The following RABGAP1L variants were observed in gnomAD, a reference collection of about 807,000 sequenced individuals.
RABGAP1L encodes rab GTPase-activating protein 1-like.
Under a neutral mutation model 137.7 loss-of-function variants are expected in RABGAP1L, and 63 were observed. That is an observed-to-expected ratio of 0.46 (90% CI 0.37 to 0.56). The LOEUF (loss-of-function observed/expected upper bound fraction) is 0.56, where lower values mean the gene tolerates loss of function less well. Among genes scored for constraint, RABGAP1L ranks in the 20% least tolerant of loss-of-function variants. RABGAP1L has a pLI of 0.00. For synonymous variants in RABGAP1L, 431 were observed against 433.7 expected (o/e 0.99, Z 0.08); for missense variants, 1,095 against 1,244.0 (o/e 0.88, Z 1.80).
At chr1:174,708,123 G>GCTTCT (rs781559009) in intron 17 of RABGAP1L, among the ~76,000 whole-genome samples, 1 of 152,042 alleles carries the variant, frequency 6.6e-6, no homozygotes, top group Non-Finnish European at 1.5e-5. Context: ...TGTATCTTCT[G>GCTTCT]CTTCTCTTCT....
At chr1:174,241,416 A>T in intron 4 of RABGAP1L, 67 bp from the exon 5 acceptor site, 1 of 1,110,866 alleles carries the variant, frequency 9.0e-7, no homozygotes, top group Non-Finnish European at 1.2e-6. Context: ...AAAAAAACCT[A>T]ACTGGAAATA....
At chr1:174,558,643 A>T (rs1460343268) in intron 13 of RABGAP1L, among the ~76,000 whole-genome samples, 1 of 152,226 alleles carries the variant, frequency 6.6e-6, no homozygotes, top group African/African-American at 2.4e-5. Context: ...TTTTTTAACC[A>T]TACTGTGTCT....
At chr1:174,195,688 CCTTCTTTCCTTCTTTCCTTCTTTCT>C (rs1558021411) in intron 1 of RABGAP1L, among the ~76,000 whole-genome samples, 21 of 113,968 alleles carry the variant, frequency 1.8e-4, no homozygotes, top group African/African-American at 5.4e-4. Context: ...TTCCTTCTTT[CCTTCTTTCCTTCTTTCCTTCTTTCT>C]TTTCTTTCTT....
chr1:174,288,376 C>T (rs1260852456), intron 10 of RABGAP1L, among the ~76,000 whole-genome samples: 1 of 152,072 alleles, frequency 6.6e-6, no homozygotes, highest in Non-Finnish European at 1.5e-5. Flanking sequence ...TTTGGCATTT[C>T]TTATAAGGCA....
chr1:174,398,491 G>A (rs192838470), intron 13 of RABGAP1L, among the ~76,000 whole-genome samples: 3 of 152,106 alleles, frequency 2.0e-5, no homozygotes, highest in Admixed American at 2.0e-4. Context: ...GTGGTTAGAG[G>A]GGCCCACCAC....
At chr1:174,165,313 C>T (rs760468052) in intron 1 of RABGAP1L, among the ~76,000 whole-genome samples, 14 of 152,006 alleles carry the variant, frequency 9.2e-5, no homozygotes, top group Non-Finnish European at 1.5e-4. Context: ...CCACACCAGG[C>T]TAATTTTTGT....
chr1:174,241,501 C>T lies in RABGAP1L; in HGVS notation c.561C>T (p.Ser187=), dbSNP rs771022165. 2 of 1,599,424 alleles carry T rather than the reference C, an allele frequency of 1.3e-6. No individual in the cohort carries two copies. The highest frequency in any genetic ancestry group is 3.5e-5 in the Admixed American group (2 of 57,630). The change falls in exon 5 of 26, where the codon AGC becomes AGT. Residue 187 remains serine (S), a synonymous_variant. Transcript: ENST00000681986. ...TCTACAGAATTATAGACCAATCCAG[C>T]AATGTGGAGATAGCATCTTTTCCAA... ...EGSVRIIDQS[S]NVEIASFPIY... is the part of the protein sequence containing the mutation.
chr1:174,310,504 G>A (rs1171016030), intron 11 of RABGAP1L, among the ~76,000 whole-genome samples: 1 of 152,082 alleles, frequency 6.6e-6, no homozygotes, highest in African/African-American at 2.4e-5. Context: ...TTGATATTCT[G>A]TCTGGATGAT....
In RABGAP1L at chr1:174,828,117, G is replaced by A. The variant is rs915244697; in HGVS notation, c.2340+16157G>A. On this transcript the variant is annotated intron_variant, in intron 19 of 25. Transcript: ENST00000681986. ...TGGCCATTATTTAAGAAGCCAGATGGCAGACATTGCTTCTGTGAAGGAAAC... is the reference window on the plus strand; with the variant it reads ...TGGCCATTATTTAAGAAGCCAGATGACAGACATTGCTTCTGTGAAGGAAAC... Among the ~76,000 whole-genome samples the A allele has an allele frequency of 3.4e-5, 5 of 148,142 alleles. 1 individual carries two copies. Among genetic ancestry groups the A allele is most frequent in the Non-Finnish European group, 4.5e-5 (3 of 66,604 alleles).
chr1:174,241,841 A>AGG (rs1283187998), intron 5 of RABGAP1L, among the ~76,000 whole-genome samples, 184 bp downstream of exon 5: 7 of 152,222 alleles, frequency 4.6e-5, no homozygotes, highest in African/African-American at 1.7e-4. Flanking sequence ...CTGCATAGGT[A>AGG]GGGCACTCTC....
rs144824595 is a variant in RABGAP1L at position 174,986,520 on chromosome 1, A to C, written c.2806-2121A>C. On this transcript the variant is annotated intron_variant, in intron 24 of 25. Coordinates refer to ENST00000681986, the MANE Select transcript of RABGAP1L (RefSeq NM_001366446.1). ...GAAGGAGAAATGGATATTGGGTGAG[A>C]ATCAGCAGTATCCACCACATTTTAG... 2.0e-5 allele frequency among the ~76,000 whole-genome samples: 3 copies of C among 152,322 alleles called. No individual in the cohort carries two copies. In the East Asian group the frequency reaches 5.8e-4, roughly 29 times the overall value.
intron 1 of RABGAP1L, among the ~76,000 whole-genome samples, chr1:174,215,711 A>G (rs1424637073): frequency 6.6e-6 from 1 of 152,178 alleles, no homozygotes; most frequent in Non-Finnish European, 1.5e-5. Flanking sequence ...TAACCCTGGT[A>G]CACTGTTGGT....
At chr1:174,631,117 A>T (rs1468327339) in intron 13 of RABGAP1L, among the ~76,000 whole-genome samples, 6 of 110,140 alleles carry the variant, frequency 5.4e-5, no homozygotes, top group East Asian at 2.5e-4. Flanking sequence ...GGTTTCAAAG[A>T]ACATCTTTAT....
intron 17 of RABGAP1L, among the ~76,000 whole-genome samples, chr1:174,751,472 A>G (rs904204507): frequency 2.6e-5 from 4 of 152,224 alleles, no homozygotes; most frequent in Non-Finnish European, 5.9e-5. Context: ...ACTTATGCCA[A>G]CTCATACTTG....
chr1:174,944,674 A>G (rs1161057400), intron 19 of RABGAP1L, among the ~76,000 whole-genome samples: 3 of 151,580 alleles, frequency 2.0e-5, no homozygotes, highest in African/African-American at 7.3e-5. Context: ...AGTCAGTGCA[A>G]TCTTCATGCA....
chr1:174,613,161 T>A (rs1671436215), intron 13 of RABGAP1L, among the ~76,000 whole-genome samples: 1 of 150,700 alleles, frequency 6.6e-6, no homozygotes, highest in Non-Finnish European at 1.5e-5. Context: ...GGTGTCAATT[T>A]TGGATCTTTC....
rs1686768337 is a variant in RABGAP1L at position 174,779,279 on chromosome 1, T to C, written c.2211+26925T>C. Reference sequence around the variant, plus strand: ...GTTGTGGCTTAAACCCCACCTTCTTTAAAGGATGATTCTAAACTCTTTCTG... The same window carrying C: ...GTTGTGGCTTAAACCCCACCTTCTTCAAAGGATGATTCTAAACTCTTTCTG... On this transcript the variant is annotated intron_variant, in intron 18 of 25. Transcript: ENST00000681986. Among the ~76,000 whole-genome samples, 3 of 152,336 alleles carry C rather than the reference T, an allele frequency of 2.0e-5. No homozygotes were observed. In the South Asian group the frequency reaches 6.2e-4, roughly 32 times the overall value.
chr1:174,242,389 A>G (rs1671900856), intron 5 of RABGAP1L, among the ~76,000 whole-genome samples: 1 of 152,232 alleles, frequency 6.6e-6, no homozygotes, highest in African/African-American at 2.4e-5. Context: ...ACTTAAAACC[A>G]TTTCAAAGGC....
intron 7 of RABGAP1L, among the ~76,000 whole-genome samples, chr1:174,253,319 A>G (rs951601892): frequency 6.6e-5 from 10 of 152,154 alleles, no homozygotes; most frequent in Admixed American, 6.5e-4. Flanking sequence ...TGGTGGGGGT[A>G]TGGGGCAAAG....
Sources: gnomAD v4.1 joint callset for allele counts (sites outside exome capture counted in the v4.1 genomes callset) on GRCh38, gnomAD v4.1.1 for gene constraint, MANE v1.5 for transcripts, NCBI Gene and HGNC (gene_info 2026-07-23, HGNC 2026-07-21) for gene names.